C1orf202: variants seen among roughly 807,000 people sequenced by gnomAD.
C1orf202 encodes the protein uncharacterized protein C1orf202.
the C1orf202 span, chr1:244,729,939 T>C: frequency 6.6e-6 from 1 of 152,046 alleles, no homozygotes; most frequent in Non-Finnish European, 1.5e-5. Context: ...GATTTTTTTA[T>C]TTTTTTGACG....
the C1orf202 span, chr1:244,730,672 C>G: frequency 6.5e-5 from 25 of 384,730 alleles, no homozygotes; most frequent in South Asian, 1.7e-3. Flanking sequence ...AGGGGCCCCA[C>G]AGGCCGCGCT....
the C1orf202 span, chr1:244,730,475 C>CGCGCGGGGGCGGCCT: frequency 2.9e-6 from 1 of 343,934 alleles, no homozygotes; most frequent in South Asian, 1.3e-4. Context: ...GCGGGGCTGG[C>CGCGCGGGGGCGGCCT]GCGCGGGGGC....
chr1:244,730,451 G>C, the C1orf202 span: 7 of 348,118 alleles, frequency 2.0e-5, no homozygotes, highest in Admixed American at 4.8e-5. Flanking sequence ...CCGGCTCCTC[G>C]TGGCTGACCG....
chr1:244,730,557 C>T, the C1orf202 span: 1 of 373,508 alleles, frequency 2.7e-6, no homozygotes, highest in Non-Finnish European at 4.8e-6. Context: ...TGCGCGCGGT[C>T]CAGCACCAGC....
At chr1:244,730,479 CG>C in the C1orf202 span, 1 of 341,706 alleles carries the variant, frequency 2.9e-6, no homozygotes, top group Non-Finnish European at 5.3e-6. Flanking sequence ...GGCTGGCGCG[CG>C]GGGGCGGCCT....
At chr1:244,730,587 G>C in the C1orf202 span, 8 of 380,334 alleles carry the variant, frequency 2.1e-5, 1 homozygote, top group Middle Eastern at 6.8e-4. Flanking sequence ...TCCTCCAGCC[G>C]GTCCGGCCGC....
the C1orf202 span, chr1:244,730,567 C>T: frequency 5.3e-6 from 2 of 375,572 alleles, no homozygotes; most frequent in Admixed American, 4.6e-5. Context: ...CCAGCACCAG[C>T]AGCGGGATCT....
chr1:244,730,270 G>C, the C1orf202 span: 1 of 225,888 alleles, frequency 4.4e-6, no homozygotes, highest in Admixed American at 5.7e-5. Context: ...AGGAGGACGC[G>C]GCTCGTTTAG....
chr1:244,730,044 T>G, the C1orf202 span: 2 of 28,726 alleles, frequency 7.0e-5, no homozygotes, highest in Admixed American at 5.3e-4. Context: ...ACATAGTTGG[T>G]TTTTTTTTTT....
At chr1:244,730,755 G>GCCAGCA in the C1orf202 span, 2 of 381,522 alleles carry the variant, frequency 5.2e-6, no homozygotes, top group Non-Finnish European at 9.3e-6. Flanking sequence ...AACAGCCGCC[G>GCCAGCA]CCAGCACCAG....
At chr1:244,730,558 C>G in the C1orf202 span, 1 of 373,588 alleles carries the variant, frequency 2.7e-6, no homozygotes, top group Non-Finnish European at 4.8e-6. Flanking sequence ...GCGCGCGGTC[C>G]AGCACCAGCA....
the C1orf202 span, chr1:244,729,816 CCT>C: frequency 6.6e-6 from 1 of 152,060 alleles, no homozygotes; most frequent in Admixed American, 6.6e-5. Context: ...TCCAAACTCC[CCT>C]GTCCCACCCC....
At chr1:244,730,421 A>T in the C1orf202 span, 8 of 358,268 alleles carry the variant, frequency 2.2e-5, no homozygotes, top group Admixed American at 9.4e-5. Context: ...CTGAGCGTGC[A>T]CAGGGGGCGC....
At chr1:244,730,324 C>T in the C1orf202 span, 2 of 267,152 alleles carry the variant, frequency 7.5e-6, no homozygotes, top group East Asian at 1.4e-4. Context: ...CATGCACATC[C>T]CCCCAACATT....
At chr1:244,730,976 G>A in the C1orf202 span, 2 of 363,628 alleles carry the variant, frequency 5.5e-6, no homozygotes, top group Non-Finnish European at 9.8e-6. Context: ...GGGAACCGTC[G>A]GGCTGGACAA....
the C1orf202 span, chr1:244,730,999 C>T: frequency 5.9e-6 from 2 of 339,430 alleles, no homozygotes; most frequent in Non-Finnish European, 1.1e-5. Context: ...ACGCTGCCGC[C>T]TCCAGGACTC....
chr1:244,730,730 C>T, the C1orf202 span: 14 of 383,658 alleles, frequency 3.6e-5, no homozygotes, highest in African/African-American at 8.4e-5. Context: ...GAGCTTCTTC[C>T]TGCGCGGGCC....
chr1:244,730,786 G>A, the C1orf202 span: 5 of 378,430 alleles, frequency 1.3e-5, no homozygotes, highest in African/African-American at 8.4e-5. Flanking sequence ...AGGAGCCGCC[G>A]TCGCCGGCCA....
At chr1:244,730,351 C>T in the C1orf202 span, 1 of 302,658 alleles carries the variant, frequency 3.3e-6, no homozygotes, top group Non-Finnish European at 6.1e-6. Flanking sequence ...GCTTTCATTC[C>T]TACGGTGCTG....
Sources: allele counts gnomAD v4.1 joint callset, GRCh38; gene constraint gnomAD v4.1.1; transcripts MANE v1.5; gene names NCBI Gene and HGNC (gene_info 2026-07-23, HGNC 2026-07-21).